The following TANGO6 variants were observed in gnomAD, a reference collection of about 807,000 sequenced individuals.
The protein encoded by TANGO6 is transport and Golgi organization protein 6 homolog.
TANGO6 carries 90 observed loss-of-function variants against 114.2 expected under a neutral mutation model. That is an observed-to-expected ratio of 0.79 (90% CI 0.66 to 0.94). TANGO6 has a LOEUF of 0.94. TANGO6 is among the 40% of genes least tolerant of loss of function. The pLI is 0.00. For synonymous variants in TANGO6, 477 were observed against 509.8 expected (o/e 0.94, Z 0.87); for missense variants, 1,274 against 1,315.3 (o/e 0.97, Z 0.49).
chr16:68,939,820 A>G (rs1963333789), intron 14 of TANGO6, among the ~76,000 whole-genome samples: 1 of 152,142 alleles, frequency 6.6e-6, no homozygotes, highest in African/African-American at 2.4e-5. Context: ...TTTTAAAATA[A>G]TTATTTGCAA....
chr16:69,008,445 C>T (rs2152223313), intron 15 of TANGO6, among the ~76,000 whole-genome samples: 1 of 152,292 alleles, frequency 6.6e-6, no homozygotes, highest in South Asian at 2.1e-4. Flanking sequence ...TTGATCAAAG[C>T]CATCACTCCC....
intron 15 of TANGO6, among the ~76,000 whole-genome samples, chr16:69,011,372 T>C (rs1030041374): frequency 2.6e-5 from 4 of 152,176 alleles, no homozygotes; most frequent in African/African-American, 9.7e-5. Flanking sequence ...CAGTTTCACT[T>C]TTATGACCTG....
intron 15 of TANGO6, among the ~76,000 whole-genome samples, chr16:69,015,942 C>T (rs1959289198): frequency 6.6e-6 from 1 of 152,086 alleles, no homozygotes; most frequent in Admixed American, 6.5e-5. Flanking sequence ...GAATATAAAG[C>T]TTCTATTGCC....
intron 2 of TANGO6, among the ~76,000 whole-genome samples, chr16:68,862,476 C>G (rs1045109386): frequency 1.3e-5 from 2 of 152,130 alleles, no homozygotes; most frequent in African/African-American, 4.8e-5. Flanking sequence ...GGATTACAGG[C>G]GTGAGCCACC....
intron 15 of TANGO6, among the ~76,000 whole-genome samples, chr16:68,987,422 G>T (rs1403554707): frequency 6.6e-6 from 1 of 152,180 alleles, no homozygotes; most frequent in Non-Finnish European, 1.5e-5. Context: ...AGGCTGGCAT[G>T]CAGTAGCATG....
chr16:68,997,941 A>G (rs1006287441), intron 15 of TANGO6, among the ~76,000 whole-genome samples: 4 of 152,202 alleles, frequency 2.6e-5, no homozygotes, highest in African/African-American at 9.6e-5. Flanking sequence ...TTCAAGGTAG[A>G]GAGGAGCTCA....
At chr16:68,941,609 A>G (rs1006307839) in intron 14 of TANGO6, among the ~76,000 whole-genome samples, 3 of 152,024 alleles carry the variant, frequency 2.0e-5, no homozygotes, top group African/African-American at 7.2e-5. Flanking sequence ...AGCCAGGCAC[A>G]GTGGTGCATT....
intron 14 of TANGO6, among the ~76,000 whole-genome samples, chr16:68,962,568 C>G (rs1237121304): frequency 6.6e-6 from 1 of 152,226 alleles, no homozygotes; most frequent in East Asian, 1.9e-4. Flanking sequence ...GAATTCAAGA[C>G]CTGACCAACA....
intron 6 of TANGO6, 35 bp from the exon 7 acceptor site, chr16:68,880,513 C>T (rs932428770): frequency 1.3e-6 from 2 of 1,566,822 alleles, no homozygotes; most frequent in African/African-American, 2.7e-5. Flanking sequence ...CAGTGAGGCA[C>T]TAAATATGGG....
At chr16:68,880,668 TTATTTAAA>T in intron 7 of TANGO6, 38 bp downstream of exon 7, 1 of 1,454,718 alleles carries the variant, frequency 6.9e-7, no homozygotes, top group Non-Finnish European at 9.2e-7. Flanking sequence ...TATTTACTTC[TTATTTAAA>T]ATTTTTTTTA....
intron 13 of TANGO6, among the ~76,000 whole-genome samples, chr16:68,928,298 ATT>A (rs10701295): frequency 3.3e-4 from 33 of 98,594 alleles, no homozygotes; most frequent in Middle Eastern, 7.5e-3. Context: ...CTGAGTGCCA[ATT>A]TTTTTTTTTT....
chr16:68,846,953 T>G (rs1026312834), intron 1 of TANGO6: 1 of 150,496 alleles, frequency 6.6e-6, no homozygotes, highest in Non-Finnish European at 1.5e-5. Context: ...TGCAGTGGCG[T>G]GATCTCGGCT....
At chr16:69,006,768 A>G (rs184496852) in intron 15 of TANGO6, among the ~76,000 whole-genome samples, 1 of 152,290 alleles carries the variant, frequency 6.6e-6, no homozygotes, top group Admixed American at 6.5e-5. Flanking sequence ...AAATAAAAAC[A>G]AAAACAAACT....
At chr16:68,903,880 C>T (rs938375079) in intron 9 of TANGO6, among the ~76,000 whole-genome samples, 18 of 151,726 alleles carry the variant, frequency 1.2e-4, no homozygotes, top group African/African-American at 3.6e-4. Context: ...CAAGATTGCG[C>T]CACTGCACTT....
At chr16:68,916,568 C>T (rs1023800943) in intron 11 of TANGO6, among the ~76,000 whole-genome samples, 7 of 151,384 alleles carry the variant, frequency 4.6e-5, no homozygotes, top group Admixed American at 2.0e-4. Context: ...ACAGATGGCT[C>T]GAAGACACTG....
chr16:69,056,532 C>G (rs1960034437), intron 17 of TANGO6, among the ~76,000 whole-genome samples: 1 of 151,708 alleles, frequency 6.6e-6, no homozygotes, highest in Non-Finnish European at 1.5e-5. Context: ...CTCTTGGAGA[C>G]TCAGTACATG....
At chr16:68,979,824 G>A (rs1369782662) in intron 15 of TANGO6, among the ~76,000 whole-genome samples, 1 of 151,488 alleles carries the variant, frequency 6.6e-6, no homozygotes, top group Non-Finnish European at 1.5e-5. Flanking sequence ...TTTTTCATTA[G>A]GGTATCAATT....
At chr16:69,020,760 G>A (rs1370403231) in intron 15 of TANGO6, among the ~76,000 whole-genome samples, 3 of 152,086 alleles carry the variant, frequency 2.0e-5, no homozygotes, top group East Asian at 1.9e-4. Context: ...AATTAGGCGC[G>A]ATGGCATACA....
rs541408189 is a variant in TANGO6 at position 68,899,467 on chromosome 16, G to A, written c.1378-967G>A. On this transcript the variant is annotated intron_variant, in intron 7 of 17. Coordinates refer to ENST00000261778, the MANE Select transcript of TANGO6 (RefSeq NM_024562.2). ...TTGAAAGGTACAACTAAAACATGCAGCATTACGATTATTAATAAAATTCAC... is the reference window on the plus strand; with the variant it reads ...TTGAAAGGTACAACTAAAACATGCAACATTACGATTATTAATAAAATTCAC... Among the ~76,000 whole-genome samples the A allele has an allele frequency of 6.0e-5, 9 of 151,254 alleles. No homozygotes were observed. In the South Asian group the frequency reaches 1.9e-3, roughly 32 times the overall value.
Sources: gnomAD v4.1 joint callset for allele counts (sites outside exome capture counted in the v4.1 genomes callset) on GRCh38, gnomAD v4.1.1 for gene constraint, MANE v1.5 for transcripts, NCBI Gene and HGNC (gene_info 2026-07-23, HGNC 2026-07-21) for gene names.